The following GAS7 variants were observed in gnomAD, a reference collection of about 807,000 sequenced individuals.
The protein encoded by GAS7 is growth arrest specific 7, also known as growth arrest-specific protein 7.
Under a neutral mutation model 71.1 loss-of-function variants are expected in GAS7, and 28 were observed. That is an observed-to-expected ratio of 0.39 (90% CI 0.29 to 0.54). The LOEUF is 0.54. Among genes scored for constraint, GAS7 ranks in the 20% least tolerant of loss-of-function variants. The pLI is 0.62. For missense variants in GAS7, 436 were observed against 627.8 expected (o/e 0.69, Z 3.27); for synonymous variants, 258 against 245.8 (o/e 1.05, Z -0.46).
intron 2 of GAS7, among the ~76,000 whole-genome samples, chr17:9,989,043 G>C (rs1030736753): frequency 2.0e-5 from 3 of 151,948 alleles, no homozygotes; most frequent in African/African-American, 7.3e-5. Flanking sequence ...TAGAGACAGG[G>C]TTTCACCGTG....
At chr17:10,039,872 T>C in intron 1 of GAS7, 1 of 402,324 alleles carries the variant, frequency 2.5e-6, no homozygotes, top group South Asian at 1.8e-5. Flanking sequence ...CAATGTGCCT[T>C]TCCCTTGGAC....
chr17:10,028,962 A>G lies in GAS7; in HGVS notation c.184-9065T>C, dbSNP rs3760500. ...AAGAGGAGACCAGCAGAAAAGCTCT[A>G]ACAGAAAAGAAAGAATAAACAAAGG... On this transcript the variant is annotated intron_variant, in intron 1 of 13. Coordinates refer to ENST00000432992, the MANE Select transcript of GAS7 (RefSeq NM_201433.2). 8.5e-5 allele frequency among the ~76,000 whole-genome samples: 13 copies of G among 152,350 alleles called. No homozygotes were observed. In the East Asian group the frequency reaches 2.5e-3, roughly 29 times the overall value.
intron 1 of GAS7, among the ~76,000 whole-genome samples, chr17:10,077,432 T>C (rs982348898): frequency 3.9e-5 from 6 of 152,192 alleles, no homozygotes; most frequent in African/African-American, 1.4e-4. Context: ...TTAGCATAGA[T>C]GAGTGAACAG....
intron 1 of GAS7, among the ~76,000 whole-genome samples, chr17:10,050,757 C>A (rs1210960628): frequency 6.6e-6 from 1 of 152,124 alleles, no homozygotes; most frequent in Non-Finnish European, 1.5e-5. Context: ...AGTCATAAGC[C>A]CTCTTGACTT....
intron 2 of GAS7, among the ~76,000 whole-genome samples, chr17:10,018,130 A>G (rs1211835244): frequency 6.6e-6 from 1 of 152,236 alleles, no homozygotes; most frequent in Non-Finnish European, 1.5e-5. Context: ...CAACATAGAC[A>G]ATATTTTCCA....
intron 11 of GAS7, among the ~76,000 whole-genome samples, chr17:9,923,621 C>T (rs2152071905): frequency 6.6e-6 from 1 of 152,350 alleles, no homozygotes; most frequent in East Asian, 1.9e-4. Context: ...TCCCCACTCA[C>T]TACCAATTTC....
chr17:9,953,418 G>T (rs2069100433), intron 5 of GAS7, among the ~76,000 whole-genome samples: 1 of 152,182 alleles, frequency 6.6e-6, no homozygotes, highest in African/African-American at 2.4e-5. Flanking sequence ...CTCCCAGGAA[G>T]CCCACTGGGA....
At chr17:10,076,833 C>T (rs1161545151) in intron 1 of GAS7, among the ~76,000 whole-genome samples, 1 of 113,846 alleles carries the variant, frequency 8.8e-6, no homozygotes, top group Non-Finnish European at 1.8e-5. Context: ...GGCGAGAAAA[C>T]AGCGCATATC....
At chr17:9,965,229 A>C (rs1045327928) in intron 4 of GAS7, among the ~76,000 whole-genome samples, 1 of 152,230 alleles carries the variant, frequency 6.6e-6, no homozygotes, top group African/African-American at 2.4e-5. Flanking sequence ...ACACGTGTTT[A>C]TTGCTACACT....
chr17:10,153,938 T>C (rs2074185941), intron 1 of GAS7, among the ~76,000 whole-genome samples: 1 of 152,018 alleles, frequency 6.6e-6, no homozygotes, highest in Non-Finnish European at 1.5e-5. Context: ...TTTAGCTGGG[T>C]GTGGTGGTAT....
At chr17:10,174,830 G>A (rs12943008) in intron 1 of GAS7, among the ~76,000 whole-genome samples, 1 of 152,128 alleles carries the variant, frequency 6.6e-6, no homozygotes, top group Non-Finnish European at 1.5e-5. Context: ...ACCTGATGCA[G>A]CTCTGCCCTC....
At chr17:10,096,445 C>G (rs111776756) in intron 1 of GAS7, among the ~76,000 whole-genome samples, 173 of 152,304 alleles carry the variant, frequency 1.1e-3, no homozygotes, top group African/African-American at 3.8e-3. Context: ...AATCCAAGCA[C>G]AAGTCCTTCA....
At chr17:9,933,005 T>C (rs1308306288) in intron 9 of GAS7, among the ~76,000 whole-genome samples, 1 of 152,018 alleles carries the variant, frequency 6.6e-6, no homozygotes, top group Non-Finnish European at 1.5e-5. Context: ...ACCCCATCTC[T>C]ACTAAAAATA....
intron 1 of GAS7, among the ~76,000 whole-genome samples, chr17:10,140,997 C>A: frequency 6.6e-6 from 1 of 152,236 alleles, no homozygotes. Context: ...TCTGGACTGG[C>A]CCCACCCTGG....
At chr17:10,182,507 T>C (rs1237166852) in intron 1 of GAS7, among the ~76,000 whole-genome samples, 1 of 152,168 alleles carries the variant, frequency 6.6e-6, no homozygotes, top group East Asian at 1.9e-4. Flanking sequence ...GTCAGCTAAC[T>C]CTTGAATTAT....
At chr17:10,021,671 T>A (rs1002811354) in intron 1 of GAS7, among the ~76,000 whole-genome samples, 1 of 152,116 alleles carries the variant, frequency 6.6e-6, no homozygotes, top group African/African-American at 2.4e-5. Context: ...CGGTGTGGCA[T>A]CCCACCAGGG....
intron 1 of GAS7, among the ~76,000 whole-genome samples, chr17:10,040,772 C>T (rs752908616): frequency 1.3e-5 from 2 of 152,052 alleles, no homozygotes; most frequent in Admixed American, 6.5e-5. Context: ...GGCCGGGTGA[C>T]GAATCCACAC....
chr17:10,100,037 T>C (rs898615914), intron 1 of GAS7, among the ~76,000 whole-genome samples: 2 of 152,234 alleles, frequency 1.3e-5, no homozygotes, highest in African/African-American at 2.4e-5. Context: ...AAAGAGGAGG[T>C]TGAGATCCAT....
intron 1 of GAS7, among the ~76,000 whole-genome samples, chr17:10,092,074 C>T (rs1016844958): frequency 1.3e-5 from 2 of 152,122 alleles, no homozygotes; most frequent in African/African-American, 4.8e-5. Context: ...CCCGTTTCTC[C>T]CCCTATTCCA....
Sources: allele counts gnomAD v4.1 joint callset (sites outside exome capture counted in the v4.1 genomes callset), GRCh38; gene constraint gnomAD v4.1.1; transcripts MANE v1.5; gene names NCBI Gene and HGNC (gene_info 2026-07-23, HGNC 2026-07-21).